TRARG1: variants seen among roughly 807,000 people sequenced by gnomAD.
TRARG1 encodes the protein trafficking regulator of GLUT4 1.
Under a neutral mutation model 13.3 loss-of-function variants are expected in TRARG1, and 16 were observed. That is an observed-to-expected ratio of 1.20 (90% CI 0.81 to 1.83). The LOEUF is 1.83. Among genes scored for constraint, TRARG1 ranks in the 40% most tolerant of loss-of-function variants. The pLI is 0.00. For missense variants in TRARG1, 250 were observed against 237.4 expected (o/e 1.05, Z -0.35); for synonymous variants, 113 against 106.2 (o/e 1.06, Z -0.39).
At chr17:1,282,559 C>T (rs551882041) in intron 1 of TRARG1, among the ~76,000 whole-genome samples, 176 of 151,826 alleles carry the variant, frequency 1.2e-3, no homozygotes, top group African/African-American at 4.0e-3. Context: ...TTAGTAGAGA[C>T]GGGGTTTTAC....
chr17:1,281,063 A>G (rs919278430), intron 1 of TRARG1, among the ~76,000 whole-genome samples: 4 of 152,102 alleles, frequency 2.6e-5, no homozygotes, highest in Non-Finnish European at 5.9e-5. Flanking sequence ...GAAAAATGTG[A>G]GAGTCAGAGG....
At chr17:1,284,564 T>C (rs1025930030) in intron 1 of TRARG1, among the ~76,000 whole-genome samples, 2 of 152,050 alleles carry the variant, frequency 1.3e-5, no homozygotes, top group Non-Finnish European at 2.9e-5. Flanking sequence ...CCTCTAAGAG[T>C]GGGTTGTACC....
chr17:1,287,683 C>T (rs1428656177), intron 1 of TRARG1, among the ~76,000 whole-genome samples: 13 of 151,310 alleles, frequency 8.6e-5, no homozygotes, highest in South Asian at 2.1e-4. Flanking sequence ...GACAGAGTCT[C>T]GCTCTGTCAC....
chr17:1,284,122 AAAAGAAAGAAAG>A lies in TRARG1; in HGVS notation c.387+3746_387+3757del, dbSNP rs35790659. ...AGAGCAAGATTCTGTCTCAAAAAAA[AAAAGAAAGAAAG>A]AAAGAAAGAAAAGAAAGAAAGAAAC... On this transcript the variant is annotated intron_variant, in intron 1 of 2. Coordinates refer to ENST00000333813, the MANE Select transcript of TRARG1 (RefSeq NM_172367.3). 1.2e-3 allele frequency among the ~76,000 whole-genome samples: 183 copies of A among 149,512 alleles called. 1 individual carries two copies. Among genetic ancestry groups the A allele is most frequent in the African/African-American group, 4.3e-3 (173 of 40,510 alleles).
intron 1 of TRARG1, among the ~76,000 whole-genome samples, chr17:1,282,245 CGT>C (rs2071985123): frequency 8.7e-6 from 1 of 114,360 alleles, no homozygotes; most frequent in African/African-American, 3.4e-5. Context: ...CGTATATGCA[CGT>C]ATATGTACGT....
intron 1 of TRARG1, among the ~76,000 whole-genome samples, chr17:1,289,968 G>A (rs540683682): frequency 1.3e-4 from 20 of 152,062 alleles, no homozygotes; most frequent in African/African-American, 4.3e-4. Flanking sequence ...CGGGAACCCC[G>A]GAATCGTCTG....
intron 1 of TRARG1, among the ~76,000 whole-genome samples, chr17:1,285,470 G>A (rs549249713): frequency 6.6e-6 from 1 of 151,646 alleles, no homozygotes; most frequent in Non-Finnish European, 1.5e-5. Context: ...ACTTTGAGAG[G>A]CCAAGGCGGG....
intron 1 of TRARG1, among the ~76,000 whole-genome samples, chr17:1,293,906 G>A (rs2072092601): frequency 6.6e-6 from 1 of 152,022 alleles, no homozygotes; most frequent in Non-Finnish European, 1.5e-5. Flanking sequence ...AGGTGGGGCT[G>A]CATTGCCAAC....
At chr17:1,287,527 A>C (rs1401622051) in intron 1 of TRARG1, among the ~76,000 whole-genome samples, 1 of 151,510 alleles carries the variant, frequency 6.6e-6, no homozygotes, top group Non-Finnish European at 1.5e-5. Flanking sequence ...CGCCTGGCTA[A>C]TTTTTTGTAT....
In TRARG1 at chr17:1,280,042, A is replaced by G. The variant is rs1325612642; in HGVS notation, c.41A>G (p.Glu14Gly). 1.9e-6 allele frequency: 3 copies of G among 1,613,170 alleles called. No homozygotes were observed. Among genetic ancestry groups the G allele is most frequent in the African/African-American group, 2.7e-5 (2 of 74,940 alleles). Residue 14 changes from glutamate to glycine, a missense_variant, in exon 1 of 3, where the codon GAG becomes GGG. Coordinates refer to ENST00000333813, the MANE Select transcript of TRARG1 (RefSeq NM_172367.3). ...CAGTCCGAGTTTCCTTCAGCACAGGAGCCAGGCTCCGCCGCATTCCTGGAC... is the reference window on the plus strand; with the variant it reads ...CAGTCCGAGTTTCCTTCAGCACAGGGGCCAGGCTCCGCCGCATTCCTGGAC... The part of the protein sequence containing the change: ...PVQSEFPSAQ[E>G]PGSAAFLDLP...
At chr17:1,295,710 T>C in intron 2 of TRARG1, 87 bp downstream of exon 2, 1 of 1,453,560 alleles carries the variant, frequency 6.9e-7, no homozygotes, top group Non-Finnish European at 9.1e-7. Context: ...GGGGCAGAGG[T>C]GGTGGGTTGG....
At chr17:1,282,119 CAT>C (rs1567928019) in intron 1 of TRARG1, among the ~76,000 whole-genome samples, 1 of 101,314 alleles carries the variant, frequency 9.9e-6, no homozygotes, top group Non-Finnish European at 2.1e-5. Flanking sequence ...CATAAATGCA[CAT>C]ATGTACATAT....
Position 1,298,324 on chromosome 17 carries a change from T to G in TRARG1, c.*60T>G. ...CCTGGCCATCGGGAGAGCTCTGACC[T>G]GCACACCGCGGGAGGCCAGGGTGCT... is the stretch of plus-strand genomic sequence containing the variant. On this transcript the variant is annotated 3_prime_UTR_variant, in exon 3 of 3. Coordinates refer to ENST00000333813, the MANE Select transcript of TRARG1 (RefSeq NM_172367.3). 10 of 1,594,550 alleles carry G rather than the reference T, an allele frequency of 6.3e-6. No individual in the cohort carries two copies. The highest frequency in any genetic ancestry group is 8.6e-6 in the Non-Finnish European group (10 of 1,168,194).
chr17:1,295,357 A>C (rs1465026042), intron 1 of TRARG1, 134 bp from the exon 2 acceptor site: 6 of 1,157,922 alleles, frequency 5.2e-6, no homozygotes, highest in Non-Finnish European at 7.2e-6. Context: ...TCTCCCCTAG[A>C]GTGTGGGCTG....
At chr17:1,292,941 G>C (rs1369457445) in intron 1 of TRARG1, among the ~76,000 whole-genome samples, 1 of 152,116 alleles carries the variant, frequency 6.6e-6, no homozygotes, top group Non-Finnish European at 1.5e-5. Flanking sequence ...AGTGTGAATC[G>C]GGGGCGTGGG....
rs1009357499 is a variant in TRARG1, at chr17:1,299,379, G to T, written c.*1115G>T. ...GCGTGGGTCAGAGAGTTTTTATGGG[G>T]GTCTGTTGTTTGACCGTCCTGAGAC... On this transcript the variant is annotated 3_prime_UTR_variant, in exon 3 of 3. Transcript: ENST00000333813. The T allele has an allele frequency of 6.6e-6, 1 of 152,236 alleles. No individual in the cohort carries two copies. The highest frequency in any genetic ancestry group is 6.5e-5 in the Admixed American group (1 of 15,278). The allele number at this position is 152,236 out of a possible 1,614,324, so 9.4% of individuals were successfully genotyped here.
At chr17:1,280,491 G>T (rs2071965719) in intron 1 of TRARG1, 103 bp downstream of exon 1, 10 of 1,269,108 alleles carry the variant, frequency 7.9e-6, no homozygotes, top group Non-Finnish European at 1.1e-5. Flanking sequence ...GGAGAAGAGA[G>T]AGCTGGGAGT....
At chr17:1,282,075 T>C (rs8073572) in intron 1 of TRARG1, among the ~76,000 whole-genome samples, 5 of 140,552 alleles carry the variant, frequency 3.6e-5, no homozygotes, top group African/African-American at 9.4e-5. Flanking sequence ...TACACATATA[T>C]ACATATATGT....
Position 1,280,208 on chromosome 17 carries a change from C to T in TRARG1, c.207C>T (p.His69=). The change falls in exon 1 of 3, where the codon CAC becomes CAT. Residue 69 remains histidine (H), a synonymous_variant. Transcript: ENST00000333813. Reference sequence around the variant, plus strand: ...CCTTCAAGGCCATCTCCGAGGGGCACCTGGAGGCCCCACTGCCTCGGTCCC... The same window carrying T: ...CCTTCAAGGCCATCTCCGAGGGGCATCTGGAGGCCCCACTGCCTCGGTCCC... The part of the protein sequence containing the change: ...GLPFKAISEG[H]LEAPLPRSPS... The T allele has an allele frequency of 6.2e-7, 1 of 1,614,110 alleles. No homozygotes were observed. Among genetic ancestry groups the T allele is most frequent in the South Asian group, 1.1e-5 (1 of 91,066 alleles).
Sources: gnomAD v4.1 joint callset for allele counts (sites outside exome capture counted in the v4.1 genomes callset) on GRCh38, gnomAD v4.1.1 for gene constraint, MANE v1.5 for transcripts, NCBI Gene and HGNC (gene_info 2026-07-23, HGNC 2026-07-21) for gene names.